Variants in KAZN observed in about 807,000 individuals in gnomAD.
KAZN encodes the protein kazrin, periplakin interacting protein.
In KAZN, 40 loss-of-function variants were observed where a neutral mutation model predicts 87.4. That is an observed-to-expected ratio of 0.46 (90% CI 0.36 to 0.60). The LOEUF (loss-of-function observed/expected upper bound fraction) is 0.60, where lower values mean the gene tolerates loss of function less well. Among genes scored for constraint, KAZN ranks in the 20% least tolerant of loss-of-function variants. KAZN has a pLI of 0.00. For missense variants in KAZN, 898 were observed against 1,073.9 expected (o/e 0.84, Z 2.29); for synonymous variants, 466 against 458.3 (o/e 1.02, Z -0.22).
chr1:13,901,372 A>T (rs7541948), intron 1 of KAZN, among the ~76,000 whole-genome samples: 258 of 152,134 alleles, frequency 1.7e-3, no homozygotes, highest in African/African-American at 5.9e-3. Context: ...CGGAGGAAGC[A>T]GTTTAAGGTT....
At chr1:14,394,689 A>C (rs56131624) in intron 2 of KAZN, among the ~76,000 whole-genome samples, 23,154 of 152,162 alleles carry the variant, frequency 0.15, 1,895 homozygotes, top group East Asian at 0.23. Context: ...CTTTCCCTCC[A>C]CTGAAGAAGG....
At chr1:14,551,482 G>A (rs1673515911) in intron 2 of KAZN, among the ~76,000 whole-genome samples, 1 of 152,176 alleles carries the variant, frequency 6.6e-6, no homozygotes, top group African/African-American at 2.4e-5. Context: ...TGTGCAATTT[G>A]TGTGCACACC....
intron 1 of KAZN, among the ~76,000 whole-genome samples, chr1:14,754,917 G>A (rs1644514533): frequency 6.6e-6 from 1 of 151,884 alleles, no homozygotes; most frequent in Admixed American, 6.6e-5. Context: ...ACAAAGACAT[G>A]GATTTTCCGG....
intron 1 of KAZN, among the ~76,000 whole-genome samples, chr1:14,736,072 C>G (rs1643888313): frequency 6.6e-6 from 1 of 152,132 alleles, no homozygotes; most frequent in African/African-American, 2.4e-5. Flanking sequence ...TTTATTACCT[C>G]CGGTGGATGA....
rs77320898 is a variant in KAZN at position 14,392,462 on chromosome 1, G to A, written c.250-206521G>A. On this transcript the variant is annotated intron_variant, in intron 2 of 16. Transcript: ENST00000636203. ...CGGTCAGTCTTCAGATGTTCAAGGC[G>A]GGACGATTGCACACCAGACCCTGTG... 2.9e-3 allele frequency among the ~76,000 whole-genome samples: 447 copies of A among 152,154 alleles called. 2 individuals are homozygous for A. The highest frequency in any genetic ancestry group is 9.8e-3 in the African/African-American group (405 of 41,510).
At chr1:14,502,559 C>T (rs1010927661) in intron 2 of KAZN, among the ~76,000 whole-genome samples, 17 of 152,040 alleles carry the variant, frequency 1.1e-4, no homozygotes, top group African/African-American at 4.1e-4. Flanking sequence ...TCCAGTAAAC[C>T]CTACTCCTGG....
At chr1:14,307,508 T>C (rs1655010898) in intron 2 of KAZN, among the ~76,000 whole-genome samples, 1 of 152,222 alleles carries the variant, frequency 6.6e-6, no homozygotes, top group Non-Finnish European at 1.5e-5. Flanking sequence ...TGTCCTCCTT[T>C]ACAGACGTGG....
At chr1:14,764,980 C>G (rs1056731856) in intron 1 of KAZN, among the ~76,000 whole-genome samples, 2 of 152,194 alleles carry the variant, frequency 1.3e-5, no homozygotes, top group Non-Finnish European at 2.9e-5. Context: ...CAGAACCAGG[C>G]TTGGAACCCA....
At position 14,599,634 on chromosome 1, in the gene KAZN, G is replaced by A. The variant is rs1430785632; in HGVS notation, c.226+411G>A. ...TTCCTTAGGCTCCTTCCCAGAGAGA[G>A]CTCCGGGCTCTGCCGCCGTGGTTGG... On this transcript the variant is annotated intron_variant, in intron 1 of 14. Coordinates refer to ENST00000376030, the MANE Select transcript of KAZN (RefSeq NM_201628.3). The surrounding 1 kb of genome is among the most constrained non-coding windows in gnomAD (Gnocchi z 4.4). Among the ~76,000 whole-genome samples, 1 of 152,208 alleles carries A rather than the reference G, an allele frequency of 6.6e-6. No homozygotes were observed. The highest frequency in any genetic ancestry group is 1.5e-5 in the Non-Finnish European group (1 of 68,046).
chr1:13,986,961 C>T (rs772561672), intron 1 of KAZN, among the ~76,000 whole-genome samples: 2 of 152,214 alleles, frequency 1.3e-5, no homozygotes, highest in Non-Finnish European at 2.9e-5. Flanking sequence ...GTGTAGGTTA[C>T]ATACCTATCC....
intron 2 of KAZN, among the ~76,000 whole-genome samples, chr1:14,367,085 G>A (rs563376308): frequency 7.9e-5 from 12 of 152,078 alleles, no homozygotes; most frequent in Admixed American, 2.0e-4. Context: ...AAAAATTAGC[G>A]AGGCGTGGTG....
intron 2 of KAZN, among the ~76,000 whole-genome samples, chr1:14,591,073 A>G (rs1443559296): frequency 1.3e-5 from 2 of 152,054 alleles, no homozygotes; most frequent in African/African-American, 4.8e-5. Context: ...CAGATTTAGG[A>G]GAGTGTAGGA....
chr1:14,008,718 C>T (rs1640145997), intron 1 of KAZN, among the ~76,000 whole-genome samples: 1 of 152,118 alleles, frequency 6.6e-6, no homozygotes, highest in African/African-American at 2.4e-5. Context: ...GATGGTGGTA[C>T]CGATATAGCC....
intron 2 of KAZN, among the ~76,000 whole-genome samples, chr1:14,448,028 A>G (rs1360073134): frequency 1.3e-5 from 2 of 152,196 alleles, no homozygotes; most frequent in East Asian, 3.9e-4. Context: ...CTGTAAGTAA[A>G]CAGGATACCC....
At chr1:14,503,277 A>T (rs1407012711) in intron 2 of KAZN, among the ~76,000 whole-genome samples, 1 of 131,568 alleles carries the variant, frequency 7.6e-6, no homozygotes, top group Non-Finnish European at 1.6e-5. Context: ...AGGTCAGGAG[A>T]TCGAGAGCAT....
At chr1:14,345,671 G>C (rs977169710) in intron 2 of KAZN, among the ~76,000 whole-genome samples, 13 of 152,140 alleles carry the variant, frequency 8.5e-5, no homozygotes, top group African/African-American at 2.4e-5. Context: ...TGCCAGCCTA[G>C]ACAACGCTTA....
chr1:14,279,268 T>C (rs1652654063), intron 2 of KAZN, among the ~76,000 whole-genome samples: 1 of 152,156 alleles, frequency 6.6e-6, no homozygotes, highest in Admixed American at 6.5e-5. Flanking sequence ...ACCAATCAGA[T>C]AAGACACTGA....
intron 1 of KAZN, among the ~76,000 whole-genome samples, chr1:13,951,915 C>A (rs144997941): frequency 6.6e-6 from 1 of 152,266 alleles, no homozygotes; most frequent in East Asian, 1.9e-4. Flanking sequence ...GGTTATCTGG[C>A]CTGCCCTAGC....
chr1:14,241,217 C>A (rs542505067), intron 2 of KAZN, among the ~76,000 whole-genome samples: 1 of 152,220 alleles, frequency 6.6e-6, no homozygotes, highest in South Asian at 2.1e-4. Flanking sequence ...CAGAAAGCTA[C>A]ACCTGAGAGG....
Sources: allele counts gnomAD v4.1 joint callset (sites outside exome capture counted in the v4.1 genomes callset), GRCh38; gene constraint gnomAD v4.1.1; non-coding constraint Gnocchi (gnomAD v3.1); transcripts MANE v1.5; gene names NCBI Gene and HGNC (gene_info 2026-07-23, HGNC 2026-07-21).